NKAIN2: variants seen among roughly 807,000 people sequenced by gnomAD.
NKAIN2 encodes sodium/potassium-transporting ATPase subunit beta-1-interacting protein 2.
Under a neutral mutation model 32.6 loss-of-function variants are expected in NKAIN2, and 14 were observed. That is an observed-to-expected ratio of 0.43 (90% CI 0.28 to 0.67). The LOEUF is 0.67. Ranked by LOEUF, NKAIN2 falls within the 30% of genes least tolerant of loss-of-function variation. The pLI, the probability that NKAIN2 is intolerant of heterozygous loss-of-function variation, is 0.17. For missense variants in NKAIN2, 198 were observed against 258.3 expected, an observed-to-expected ratio of 0.77 and a Z score of 1.60; for synonymous variants, 80 against 87.2, an observed-to-expected ratio of 0.92 and a Z score of 0.46.
chr6:124,704,891 A>G (rs1774976677), intron 4 of NKAIN2, among the ~76,000 whole-genome samples: 1 of 151,944 alleles, frequency 6.6e-6, no homozygotes. Flanking sequence ...AATTTTTACC[A>G]CCCAAGAAAA....
At chr6:124,039,845 A>T (rs1383736233) in intron 1 of NKAIN2, among the ~76,000 whole-genome samples, 2 of 151,864 alleles carry the variant, frequency 1.3e-5, no homozygotes, top group African/African-American at 4.8e-5. Context: ...GGTTGCGGTG[A>T]CTATTGGTTC....
chr6:124,330,127 C>T (rs1797596017), intron 2 of NKAIN2, among the ~76,000 whole-genome samples: 1 of 152,164 alleles, frequency 6.6e-6, no homozygotes, highest in Non-Finnish European at 1.5e-5. Context: ...TCCCAATTCA[C>T]CATCAGTGTG....
chr6:124,421,270 A>G (rs949056560), intron 3 of NKAIN2, among the ~76,000 whole-genome samples: 2 of 152,096 alleles, frequency 1.3e-5, no homozygotes, highest in African/African-American at 2.4e-5. Flanking sequence ...CCAAAAGAAT[A>G]TTAACTCTTT....
intron 4 of NKAIN2, among the ~76,000 whole-genome samples, chr6:124,744,560 C>T (rs1777369456): frequency 6.6e-6 from 1 of 151,516 alleles, no homozygotes; most frequent in South Asian, 2.1e-4. Context: ...AGGGCGAGAT[C>T]TTACTTTTAT....
intron 3 of NKAIN2, among the ~76,000 whole-genome samples, chr6:124,371,608 C>T (rs981153933): frequency 1.3e-5 from 2 of 148,774 alleles, no homozygotes; most frequent in African/African-American, 5.0e-5. Context: ...GCAGGAGAAT[C>T]GCTTGAACTT....
At chr6:124,789,067 A>G (rs1004190218) in intron 4 of NKAIN2, among the ~76,000 whole-genome samples, 2 of 152,086 alleles carry the variant, frequency 1.3e-5, no homozygotes, top group Non-Finnish European at 2.9e-5. Flanking sequence ...TTAAAGAATG[A>G]AAATGAATAT....
intron 4 of NKAIN2, among the ~76,000 whole-genome samples, chr6:124,671,968 C>G (rs111623246): frequency 6.6e-6 from 1 of 151,728 alleles, no homozygotes; most frequent in Non-Finnish European, 1.5e-5. Context: ...CCACCAAGAA[C>G]CATACAATAT....
intron 1 of NKAIN2, among the ~76,000 whole-genome samples, chr6:123,975,672 G>A (rs547052233): frequency 2.6e-5 from 4 of 152,222 alleles, no homozygotes; most frequent in African/African-American, 9.6e-5. Flanking sequence ...TTCCTCATAA[G>A]TGGCACCTTC....
intron 1 of NKAIN2, among the ~76,000 whole-genome samples, chr6:124,098,216 T>G (rs1784725359): frequency 6.6e-6 from 1 of 152,234 alleles, no homozygotes; most frequent in Non-Finnish European, 1.5e-5. Context: ...TGTATCATCC[T>G]TATTAGACTT....
chr6:124,376,928 A>G (rs1159463146), intron 3 of NKAIN2, among the ~76,000 whole-genome samples: 2 of 152,062 alleles, frequency 1.3e-5, no homozygotes, highest in African/African-American at 4.8e-5. Flanking sequence ...CTCCCTACAA[A>G]TCAGCTTCTG....
At chr6:124,030,285 C>G (rs1289336908) in intron 1 of NKAIN2, among the ~76,000 whole-genome samples, 1 of 152,090 alleles carries the variant, frequency 6.6e-6, no homozygotes, top group African/African-American at 2.4e-5. Flanking sequence ...CCAAAACCAT[C>G]CTCACACCCC....
At chr6:124,603,664 C>A (rs1782390175) in intron 3 of NKAIN2, among the ~76,000 whole-genome samples, 1 of 151,814 alleles carries the variant, frequency 6.6e-6, no homozygotes, top group South Asian at 2.1e-4. Flanking sequence ...TTCAGTTTGC[C>A]TTCTGTTATA....
intron 1 of NKAIN2, among the ~76,000 whole-genome samples, chr6:123,990,242 G>A (rs1779356140): frequency 6.6e-6 from 1 of 152,166 alleles, no homozygotes; most frequent in Non-Finnish European, 1.5e-5. Context: ...GGATTATGGG[G>A]ATTACAATTC....
At chr6:124,094,564 G>C (rs1784572427) in intron 1 of NKAIN2, among the ~76,000 whole-genome samples, 1 of 152,094 alleles carries the variant, frequency 6.6e-6, no homozygotes, top group Non-Finnish European at 1.5e-5. Flanking sequence ...TCAGAGATCA[G>C]TAATTTGTTA....
In NKAIN2 at chr6:124,571,605, G is replaced by A. The variant is rs117503923; in HGVS notation, c.274-86581G>A. Among the ~76,000 whole-genome samples, 701 of 152,218 alleles carry A rather than the reference G, an allele frequency of 4.6e-3. 21 individuals are homozygous for A. Among genetic ancestry groups the A allele is most frequent in the Admixed American group, 0.036 (556 of 15,298 alleles). On this transcript the variant is annotated intron_variant, in intron 3 of 6. Coordinates refer to ENST00000368417, the MANE Select transcript of NKAIN2 (RefSeq NM_001040214.3). ...TTTCATCCTGGGCCATGATTCTGAT[G>A]CCTCCTCAGCCACGTGGAACTGTAA...
Position 124,353,734 on chromosome 6 carries a change from G to A in NKAIN2, c.193-1533G>A, listed in dbSNP as rs370770596. Reference sequence around the variant, plus strand: ...CGCGCCACTGCACTCCAGCCTGGGCGACAGAGCGAGACTCCGTCTCAAAAA... The same window carrying A: ...CGCGCCACTGCACTCCAGCCTGGGCAACAGAGCGAGACTCCGTCTCAAAAA... On this transcript the variant is annotated intron_variant, in intron 2 of 6. Coordinates refer to ENST00000368417, the MANE Select transcript of NKAIN2 (RefSeq NM_001040214.3). Among the ~76,000 whole-genome samples the A allele has an allele frequency of 6.5e-4, 98 of 150,402 alleles. 1 individual carries two copies. The East Asian group carries it at 0.015, about 23-fold the overall frequency.
chr6:124,678,867 C>G (rs1773485440), intron 4 of NKAIN2, among the ~76,000 whole-genome samples: 1 of 152,190 alleles, frequency 6.6e-6, no homozygotes, highest in African/African-American at 2.4e-5. Flanking sequence ...ATCAACCCAC[C>G]TACAGACTCT....
chr6:124,190,011 G>C (rs1434680184), intron 1 of NKAIN2, among the ~76,000 whole-genome samples: 1 of 152,212 alleles, frequency 6.6e-6, no homozygotes, highest in Non-Finnish European at 1.5e-5. Flanking sequence ...CAATTAATGT[G>C]AAGTGTTTTA....
At chr6:124,379,679 A>G (rs776668316) in intron 3 of NKAIN2, among the ~76,000 whole-genome samples, 2 of 152,292 alleles carry the variant, frequency 1.3e-5, no homozygotes, top group East Asian at 3.9e-4. Flanking sequence ...TGATTACAAA[A>G]CATCTCTACA....
Sources: gnomAD v4.1 joint callset for allele counts (sites outside exome capture counted in the v4.1 genomes callset) on GRCh38, gnomAD v4.1.1 for gene constraint, MANE v1.5 for transcripts, NCBI Gene and HGNC (gene_info 2026-07-23, HGNC 2026-07-21) for gene names.